ZBTB7C: variants seen among roughly 807,000 people sequenced by gnomAD.
ZBTB7C encodes zinc finger and BTB domain-containing protein 7C.
ZBTB7C carries 8 observed loss-of-function variants against 25.7 expected under a neutral mutation model. The observed-to-expected ratio is 0.31, with a 90% CI of 0.18 to 0.56. ZBTB7C has a LOEUF of 0.56. Ranked by LOEUF, ZBTB7C falls within the 20% of genes least tolerant of loss-of-function variation. ZBTB7C has a pLI of 0.91. For missense variants in ZBTB7C, 824 were observed against 855.2 expected, an observed-to-expected ratio of 0.96 and a Z score of 0.46; for synonymous variants, 394 against 369.0, an observed-to-expected ratio of 1.07 and a Z score of -0.78.
intron 3 of ZBTB7C, among the ~76,000 whole-genome samples, chr18:48,067,800 G>A (rs1020822558): frequency 2.6e-4 from 39 of 152,084 alleles, no homozygotes; most frequent in Non-Finnish European, 1.0e-4. Flanking sequence ...TTGGGAGTTC[G>A]AGACCAGCCT....
chr18:48,080,954 C>A (rs1466782426), intron 3 of ZBTB7C, among the ~76,000 whole-genome samples: 1 of 152,234 alleles, frequency 6.6e-6, no homozygotes, highest in Admixed American at 6.5e-5. Context: ...TTTCCTCACT[C>A]ACCCCTGGTT....
chr18:48,282,558 C>T (rs1432586257), intron 2 of ZBTB7C, among the ~76,000 whole-genome samples: 1 of 152,018 alleles, frequency 6.6e-6, no homozygotes, highest in East Asian at 1.9e-4. Flanking sequence ...GAGACAGGTA[C>T]AAGAATGTAG....
At chr18:48,033,375 C>T (rs146298047) in intron 4 of ZBTB7C, among the ~76,000 whole-genome samples, 1 of 152,296 alleles carries the variant, frequency 6.6e-6, no homozygotes, top group East Asian at 1.9e-4. Context: ...AGCAGGGATT[C>T]CCAACCTGAG....
At chr18:48,393,620 C>G (rs562145153) in intron 1 of ZBTB7C, among the ~76,000 whole-genome samples, 115 of 152,152 alleles carry the variant, frequency 7.6e-4, no homozygotes, top group African/African-American at 2.6e-3. Context: ...GTCAGGACAC[C>G]TTCCAAATGA....
intron 3 of ZBTB7C, among the ~76,000 whole-genome samples, chr18:48,062,258 G>C (rs548577595): frequency 6.6e-6 from 1 of 152,334 alleles, no homozygotes; most frequent in African/African-American, 2.4e-5. Context: ...CATGTGATAG[G>C]TGAGGGGAAC....
chr18:48,199,026 T>A (rs2042377724), intron 2 of ZBTB7C, among the ~76,000 whole-genome samples: 1 of 152,204 alleles, frequency 6.6e-6, no homozygotes, highest in Non-Finnish European at 1.5e-5. Context: ...TGGAAACCAC[T>A]GTCTTTTGGA....
chr18:48,367,202 T>TATATATAC lies in ZBTB7C; in HGVS notation c.-303-28805_-303-28804insGTATATAT, dbSNP rs1302394192. 9.2e-3 allele frequency among the ~76,000 whole-genome samples: 580 copies of TATATATAC among 63,116 alleles called. 8 individuals carry two copies. Among genetic ancestry groups the TATATATAC allele is most frequent in the South Asian group, 0.016 (29 of 1,838 alleles). The allele number at this position is 63,116 out of a possible 152,430, so 41.4% of individuals were successfully genotyped here. On this transcript the variant is annotated intron_variant, in intron 1 of 4. Transcript: ENST00000590800. ...ATATATATATATATATATATATATA[T>TATATATAC]ACACACACACACACACACACACACA... is the stretch of plus-strand genomic sequence containing the variant.
chr18:48,064,973 A>C (rs149321516), intron 3 of ZBTB7C, among the ~76,000 whole-genome samples: 116 of 152,336 alleles, frequency 7.6e-4, no homozygotes, highest in African/African-American at 2.7e-3. Flanking sequence ...ACTCAAGGAA[A>C]GGACTCTGCA....
intron 3 of ZBTB7C, among the ~76,000 whole-genome samples, chr18:48,067,694 A>G (rs1317330206): frequency 4.6e-5 from 7 of 152,172 alleles, no homozygotes; most frequent in Non-Finnish European, 1.0e-4. Flanking sequence ...TGCACGAGCC[A>G]ATTCTGTAAA....
At chr18:48,342,438 G>A (rs1328130236) in intron 1 of ZBTB7C, among the ~76,000 whole-genome samples, 1 of 152,162 alleles carries the variant, frequency 6.6e-6, no homozygotes, top group East Asian at 1.9e-4. Context: ...CTGGGGGCAG[G>A]CAGGATCGGG....
intron 3 of ZBTB7C, among the ~76,000 whole-genome samples, chr18:48,080,514 T>C (rs1321469857): frequency 6.6e-6 from 1 of 152,230 alleles, no homozygotes; most frequent in African/African-American, 2.4e-5. Flanking sequence ...TTCCTAGGCA[T>C]CCTTCTACTT....
chr18:48,069,679 A>T (rs1217901894), intron 3 of ZBTB7C, among the ~76,000 whole-genome samples: 1 of 151,902 alleles, frequency 6.6e-6, no homozygotes, highest in Non-Finnish European at 1.5e-5. Context: ...ATATCTACAT[A>T]ATCTTAGACC....
intron 2 of ZBTB7C, among the ~76,000 whole-genome samples, chr18:48,196,840 A>T (rs991519632): frequency 2.0e-5 from 3 of 152,236 alleles, no homozygotes; most frequent in Admixed American, 2.0e-4. Flanking sequence ...GAGAAGAAGG[A>T]AAATGCCCTT....
chr18:48,144,759 T>G (rs1341507752), intron 3 of ZBTB7C, among the ~76,000 whole-genome samples: 2 of 152,178 alleles, frequency 1.3e-5, no homozygotes, highest in African/African-American at 4.8e-5. Flanking sequence ...TTGTCTTCAC[T>G]CCCGATTGAG....
At chr18:48,070,011 T>C (rs2037483356) in intron 3 of ZBTB7C, among the ~76,000 whole-genome samples, 1 of 152,104 alleles carries the variant, frequency 6.6e-6, no homozygotes, top group African/African-American at 2.4e-5. Context: ...GGTGAGGCAA[T>C]TGAGCCTCTC....
At chr18:48,116,824 T>C (rs765556311) in intron 3 of ZBTB7C, among the ~76,000 whole-genome samples, 2 of 152,196 alleles carry the variant, frequency 1.3e-5, no homozygotes, top group Admixed American at 1.3e-4. Context: ...TGAGACCAAA[T>C]GGAGAAAGCA....
At chr18:48,120,520 G>C (rs1371357037) in intron 3 of ZBTB7C, among the ~76,000 whole-genome samples, 2 of 152,130 alleles carry the variant, frequency 1.3e-5, no homozygotes, top group Admixed American at 6.5e-5. Flanking sequence ...TGAATCAGAA[G>C]AATCACTTGA....
intron 2 of ZBTB7C, among the ~76,000 whole-genome samples, chr18:48,308,215 A>G (rs1007032374): frequency 3.9e-5 from 6 of 152,216 alleles, no homozygotes; most frequent in African/African-American, 1.4e-4. Flanking sequence ...TGGTTGAACC[A>G]GTCTGACCAG....
chr18:48,376,182 A>T (rs1275068219), intron 1 of ZBTB7C, among the ~76,000 whole-genome samples: 1 of 152,374 alleles, frequency 6.6e-6, no homozygotes, highest in Non-Finnish European at 1.5e-5. Flanking sequence ...ATTTTAAACT[A>T]ATCCATATTA....
Sources: allele counts gnomAD v4.1 joint callset (sites outside exome capture counted in the v4.1 genomes callset), GRCh38; gene constraint gnomAD v4.1.1; transcripts MANE v1.5; gene names NCBI Gene and HGNC (gene_info 2026-07-23, HGNC 2026-07-21).